Variants in TECRL observed in about 807,000 individuals in gnomAD.
TECRL encodes the protein trans-2,3-enoyl-CoA reductase-like.
In TECRL, 63 loss-of-function variants were observed where a neutral mutation model predicts 52.8. The observed-to-expected ratio is 1.19, with a 90% CI of 0.97 to 1.47. The LOEUF is 1.47. Ranked by LOEUF, TECRL falls within the 40% of genes most tolerant of loss-of-function variation. The probability of loss-of-function intolerance (pLI) is 0.00; values close to 1 mark genes in which losing one functional copy is unlikely to be tolerated. For synonymous variants in TECRL, 164 were observed against 141.9 expected, an observed-to-expected ratio of 1.16 and a Z score of -1.10; for missense variants, 482 against 429.6, an observed-to-expected ratio of 1.12 and a Z score of -1.08.
intron 4 of TECRL, among the ~76,000 whole-genome samples, chr4:64,318,054 A>G (rs186148334): frequency 6.6e-6 from 1 of 152,286 alleles, no homozygotes; most frequent in African/African-American, 2.4e-5. Flanking sequence ...CTTGGATCCA[A>G]TAATACAGTT....
chr4:64,383,723 A>T (rs1722980817), intron 1 of TECRL, among the ~76,000 whole-genome samples: 1 of 151,798 alleles, frequency 6.6e-6, no homozygotes. Context: ...ATTTATTTTT[A>T]GGGATTTCAT....
intron 1 of TECRL, among the ~76,000 whole-genome samples, chr4:64,407,341 T>G (rs913168636): frequency 1.3e-5 from 2 of 152,078 alleles, no homozygotes; most frequent in Admixed American, 6.6e-5. Context: ...AATGAATATT[T>G]AAATTTCATT....
chr4:64,336,948 T>C (rs970714616), intron 2 of TECRL, among the ~76,000 whole-genome samples: 3 of 152,152 alleles, frequency 2.0e-5, no homozygotes, highest in African/African-American at 7.2e-5. Flanking sequence ...AATTCTGGAA[T>C]AGGTGTGGTG....
chr4:64,310,781 G>T (rs1378967095), intron 5 of TECRL, among the ~76,000 whole-genome samples: 1 of 152,160 alleles, frequency 6.6e-6, no homozygotes, highest in Non-Finnish European at 1.5e-5. Flanking sequence ...AGGCTGCAGT[G>T]CAGTGGCATG....
chr4:64,355,396 AC>A (rs1345737815), intron 2 of TECRL, among the ~76,000 whole-genome samples: 1 of 133,288 alleles, frequency 7.5e-6, no homozygotes, highest in Non-Finnish European at 1.7e-5. Flanking sequence ...TTCTATATTA[AC>A]TTTTGTACTC....
chr4:64,340,168 G>A (rs1577900191), intron 2 of TECRL, among the ~76,000 whole-genome samples: 2 of 152,302 alleles, frequency 1.3e-5, no homozygotes, highest in South Asian at 4.1e-4. Context: ...GGAGCTGGCA[G>A]AAGCCAGGAA....
chr4:64,338,496 A>G (rs1719296398), intron 2 of TECRL, among the ~76,000 whole-genome samples: 1 of 152,210 alleles, frequency 6.6e-6, no homozygotes, highest in Non-Finnish European at 1.5e-5. Context: ...TCAACCGGCA[A>G]CCTACAGAAT....
intron 4 of TECRL, among the ~76,000 whole-genome samples, chr4:64,322,453 T>TAAA (rs77102922): frequency 2.6e-4 from 30 of 114,620 alleles, no homozygotes; most frequent in African/African-American, 9.4e-4. Context: ...GGGTTGACTT[T>TAAA]AAAAAAAAAA....
intron 7 of TECRL, among the ~76,000 whole-genome samples, chr4:64,302,191 G>C (rs147565413): frequency 8.1e-4 from 123 of 151,460 alleles, no homozygotes; most frequent in African/African-American, 2.9e-3. Flanking sequence ...ATAAACTCTA[G>C]TAGAATATGT....
At chr4:64,336,678 A>C (rs1719112897) in intron 2 of TECRL, among the ~76,000 whole-genome samples, 1 of 152,156 alleles carries the variant, frequency 6.6e-6, no homozygotes, top group Non-Finnish European at 1.5e-5. Context: ...CACTGCTTTA[A>C]ATGTGTCCCA....
chr4:64,348,805 C>T (rs759219145), intron 2 of TECRL, among the ~76,000 whole-genome samples: 4 of 152,008 alleles, frequency 2.6e-5, no homozygotes, highest in Non-Finnish European at 5.9e-5. Flanking sequence ...TCATGGTTCC[C>T]GGTGAGATTG....
intron 8 of TECRL, among the ~76,000 whole-genome samples, chr4:64,296,796 T>C (rs1178308502): frequency 6.6e-6 from 1 of 151,760 alleles, no homozygotes; most frequent in East Asian, 1.9e-4. Context: ...GTCATGGAAA[T>C]ATAAAGAGAC....
chr4:64,277,061 A>G, downstream of TECRL: 4 of 1,498,366 alleles, frequency 2.7e-6, no homozygotes, highest in South Asian at 1.3e-5. Flanking sequence ...CCTGGAAATA[A>G]AAATGAGAAA....
rs1427624012 is a variant in TECRL, at chr4:64,279,478, G to A, written c.*594C>T. 3 of 152,210 alleles carry A rather than the reference G, an allele frequency of 2.0e-5. No individual in the cohort carries two copies. In the East Asian group the frequency reaches 5.8e-4, roughly 29 times the overall value. The allele number at this position is 152,210 out of a possible 1,614,324, so 9.4% of individuals were successfully genotyped here. On this transcript the variant is annotated 3_prime_UTR_variant, in exon 12 of 12. Coordinates refer to ENST00000381210, the MANE Select transcript of TECRL (RefSeq NM_001010874.5). ...CTTTTTAGAGACAGAGTCTCAATATGTTGCCCAGATCTCAAACTTCTGAAC... is the reference window on the plus strand; with the variant it reads ...CTTTTTAGAGACAGAGTCTCAATATATTGCCCAGATCTCAAACTTCTGAAC...
At chr4:64,288,990 C>T (rs1282167770) in intron 9 of TECRL, among the ~76,000 whole-genome samples, 2 of 152,132 alleles carry the variant, frequency 1.3e-5, no homozygotes, top group Admixed American at 6.5e-5. Context: ...ATCTGGACAA[C>T]GTTTTGCAGG....
At chr4:64,324,188 A>C (rs1274811402) in intron 3 of TECRL, among the ~76,000 whole-genome samples, 1 of 152,144 alleles carries the variant, frequency 6.6e-6, no homozygotes, top group Non-Finnish European at 1.5e-5. Flanking sequence ...CAAGTCTGGA[A>C]TGTGTATATG....
intron 5 of TECRL, among the ~76,000 whole-genome samples, chr4:64,310,491 T>C (rs1724610743): frequency 6.6e-6 from 1 of 152,192 alleles, no homozygotes; most frequent in Non-Finnish European, 1.5e-5. Context: ...TGTGTGTTTG[T>C]TTGTGTTGCT....
intron 2 of TECRL, 24 bp downstream of exon 2, chr4:64,375,147 AT>A: frequency 1.7e-6 from 2 of 1,164,336 alleles, no homozygotes; most frequent in Non-Finnish European, 2.3e-6. Flanking sequence ...TATGATGTAA[AT>A]TCTAAATAAT....
intron 11 of TECRL, among the ~76,000 whole-genome samples, chr4:64,280,437 GC>G (rs1722765331): frequency 1.3e-5 from 2 of 151,910 alleles, no homozygotes; most frequent in African/African-American, 4.8e-5. Context: ...ATATACCACT[GC>G]CACAAAATAT....
Sources: gnomAD v4.1 joint callset for allele counts (sites outside exome capture counted in the v4.1 genomes callset) on GRCh38, gnomAD v4.1.1 for gene constraint, MANE v1.5 for transcripts, NCBI Gene and HGNC (gene_info 2026-07-23, HGNC 2026-07-21) for gene names.